The following PARD3B variants were observed in gnomAD, a reference collection of about 807,000 sequenced individuals.
The protein encoded by PARD3B is partitioning defective 3 homolog B.
A neutral mutation model predicts 130.2 loss-of-function variants in PARD3B; 103 were observed. The ratio of observed to expected loss-of-function variants is 0.79; its 90% CI spans 0.67 to 0.93. The LOEUF (loss-of-function observed/expected upper bound fraction) is 0.93, where lower values mean the gene tolerates loss of function less well. PARD3B is among the 40% of genes least tolerant of loss of function. PARD3B has a pLI of 0.00. For synonymous variants in PARD3B, 583 were observed against 553.2 expected (o/e 1.05, Z -0.76); for missense variants, 1,609 against 1,499.2 (o/e 1.07, Z -1.21).
rs1260872778 is a variant in PARD3B, at chr2:204,678,513, A to AGCT, written c.121-7667_121-7665dup. 6.6e-6 allele frequency among the ~76,000 whole-genome samples: 1 copy of AGCT among 152,088 alleles called. No homozygotes were observed. The highest frequency in any genetic ancestry group is 1.9e-4 in the East Asian group (1 of 5,188). ...TGGAGGTGGCTGTCAGTGGAAAAGG[A>AGCT]GCTAGAGCGGGGATGGTGCGGGAAG... On this transcript the variant is annotated intron_variant, in intron 1 of 22. Transcript: ENST00000406610. This position sits in a 1 kb window ranked among gnomAD's most constrained non-coding sequence, Gnocchi z 4.2.
At chr2:204,893,013 A>C (rs1036274450) in intron 2 of PARD3B, among the ~76,000 whole-genome samples, 2 of 152,208 alleles carry the variant, frequency 1.3e-5, no homozygotes, top group Admixed American at 6.5e-5. Flanking sequence ...TTTTTGAATC[A>C]TAAAACTGGA....
chr2:205,312,946 G>A (rs1559650238), intron 18 of PARD3B, among the ~76,000 whole-genome samples: 1 of 152,140 alleles, frequency 6.6e-6, no homozygotes, highest in Non-Finnish European at 1.5e-5. Context: ...ACCCAGTGGT[G>A]TGATCACTGA....
At chr2:204,841,574 T>G (rs2044260642) in intron 2 of PARD3B, among the ~76,000 whole-genome samples, 1 of 152,146 alleles carries the variant, frequency 6.6e-6, no homozygotes, top group Non-Finnish European at 1.5e-5. Context: ...TTTAATTGAT[T>G]TTATATCTGA....
At chr2:204,724,003 T>C (rs1047469247) in intron 2 of PARD3B, among the ~76,000 whole-genome samples, 1 of 152,210 alleles carries the variant, frequency 6.6e-6, no homozygotes, top group Admixed American at 6.5e-5. Context: ...AAAAATGTTA[T>C]TCTTCAAATT....
At chr2:205,298,431 G>A (rs1212908538) in intron 16 of PARD3B, among the ~76,000 whole-genome samples, 2 of 151,754 alleles carry the variant, frequency 1.3e-5, no homozygotes. Flanking sequence ...GGATTTAATA[G>A]TGACATATCC....
At chr2:205,304,495 C>T (rs761847801) in intron 18 of PARD3B, among the ~76,000 whole-genome samples, 6 of 151,828 alleles carry the variant, frequency 4.0e-5, no homozygotes, top group Non-Finnish European at 7.4e-5. Flanking sequence ...ATTAGCCGGG[C>T]GTGGTGGTGC....
chr2:204,938,461 A>G (rs1688636869), intron 2 of PARD3B, among the ~76,000 whole-genome samples: 1 of 152,204 alleles, frequency 6.6e-6, no homozygotes, highest in Non-Finnish European at 1.5e-5. Context: ...CTCAGCTTAA[A>G]TATCACCAAT....
chr2:205,204,558 T>C (rs1408711715), intron 15 of PARD3B, among the ~76,000 whole-genome samples: 2 of 152,220 alleles, frequency 1.3e-5, no homozygotes, highest in Non-Finnish European at 2.9e-5. Flanking sequence ...GCCTAGGTGT[T>C]CTTCTAGGGT....
At chr2:204,636,187 T>C (rs2034868185) in intron 1 of PARD3B, among the ~76,000 whole-genome samples, 1 of 152,186 alleles carries the variant, frequency 6.6e-6, no homozygotes, top group African/African-American at 2.4e-5. Flanking sequence ...GCATAAACCT[T>C]GTTTTTGATG....
intron 18 of PARD3B, among the ~76,000 whole-genome samples, chr2:205,320,126 G>A (rs1295536475): frequency 2.0e-5 from 3 of 147,848 alleles, no homozygotes; most frequent in South Asian, 2.2e-4. Flanking sequence ...AGATCACGCC[G>A]CTGCACTCCA....
At chr2:205,219,680 T>C (rs1366085319) in intron 15 of PARD3B, among the ~76,000 whole-genome samples, 1 of 152,168 alleles carries the variant, frequency 6.6e-6, no homozygotes, top group Non-Finnish European at 1.5e-5. Context: ...CACCTTATGG[T>C]AAAGTCATAA....
chr2:204,805,257 A>G (rs546553950), intron 2 of PARD3B, among the ~76,000 whole-genome samples: 3 of 152,174 alleles, frequency 2.0e-5, no homozygotes, highest in South Asian at 4.1e-4. Context: ...GCAGAAATTC[A>G]AAGGATCATT....
At chr2:205,577,401 A>G (rs530605790) in intron 22 of PARD3B, among the ~76,000 whole-genome samples, 58 of 152,346 alleles carry the variant, frequency 3.8e-4, no homozygotes, top group African/African-American at 1.3e-3. Flanking sequence ...CAAGAGAAGC[A>G]AGTGCTTGAG....
intron 20 of PARD3B, among the ~76,000 whole-genome samples, chr2:205,497,906 A>G (rs1199178461): frequency 2.0e-5 from 3 of 151,930 alleles, no homozygotes; most frequent in Non-Finnish European, 4.4e-5. Flanking sequence ...GCTGGGTGTA[A>G]TGGCTCATGC....
At chr2:204,803,137 G>C (rs1353701590) in intron 2 of PARD3B, among the ~76,000 whole-genome samples, 1 of 114,000 alleles carries the variant, frequency 8.8e-6, no homozygotes, top group East Asian at 2.3e-4. Flanking sequence ...TATTTAAAGT[G>C]CTGAAGGAAA....
At chr2:204,886,321 C>T (rs1254811070) in intron 2 of PARD3B, among the ~76,000 whole-genome samples, 1 of 152,122 alleles carries the variant, frequency 6.6e-6, no homozygotes, top group Non-Finnish European at 1.5e-5. Flanking sequence ...CATCATAAGT[C>T]ACACCATCCA....
At chr2:205,523,107 T>TTCTA (rs1011113691) in intron 21 of PARD3B, among the ~76,000 whole-genome samples, 5 of 151,706 alleles carry the variant, frequency 3.3e-5, no homozygotes, top group Admixed American at 2.0e-4. Context: ...TTTAACTCAT[T>TTCTA]TCTATCTGTT....
At chr2:204,800,091 C>A (rs544412502) in intron 2 of PARD3B, among the ~76,000 whole-genome samples, 1 of 152,226 alleles carries the variant, frequency 6.6e-6, no homozygotes, top group Admixed American at 6.5e-5. Context: ...ACACAGAATT[C>A]AAAATAGCTG....
At chr2:205,496,752 T>C (rs2049940240) in intron 20 of PARD3B, among the ~76,000 whole-genome samples, 1 of 152,160 alleles carries the variant, frequency 6.6e-6, no homozygotes, top group Non-Finnish European at 1.5e-5. Context: ...AGTACAATTT[T>C]TTTTTTCCAC....
Sources: gnomAD v4.1 joint callset for allele counts (sites outside exome capture counted in the v4.1 genomes callset) on GRCh38, gnomAD v4.1.1 for gene constraint, Gnocchi (gnomAD v3.1) non-coding constraint, MANE v1.5 for transcripts, NCBI Gene and HGNC (gene_info 2026-07-23, HGNC 2026-07-21) for gene names.